EXOC6B: variants seen among roughly 807,000 people sequenced by gnomAD.
The protein encoded by EXOC6B is SEC15 homolog B.
In EXOC6B, 54 loss-of-function variants were observed where a neutral mutation model predicts 113.5. The ratio of observed to expected loss-of-function variants is 0.48; its 90% CI spans 0.38 to 0.60. The LOEUF is 0.60. Among genes scored for constraint, EXOC6B ranks in the 20% least tolerant of loss-of-function variants. The pLI is 0.00. For missense variants in EXOC6B, 797 were observed against 977.5 expected, an observed-to-expected ratio of 0.82 and a Z score of 2.46; for synonymous variants, 357 against 339.0, an observed-to-expected ratio of 1.05 and a Z score of -0.58.
intron 20 of EXOC6B, among the ~76,000 whole-genome samples, chr2:72,233,507 G>C (rs1681762014): frequency 6.6e-6 from 1 of 152,190 alleles, no homozygotes; most frequent in Middle Eastern, 3.2e-3. Context: ...ACTTGAGCAA[G>C]AATGGGAATA....
chr2:72,787,235 A>G (rs1316066215), intron 1 of EXOC6B, among the ~76,000 whole-genome samples: 52 of 151,738 alleles, frequency 3.4e-4, no homozygotes, highest in Admixed American at 3.1e-3. Context: ...TTTTCGAGAC[A>G]GAGTCTCACT....
At chr2:72,202,703 T>C (rs1679562635) in intron 20 of EXOC6B, among the ~76,000 whole-genome samples, 1 of 152,210 alleles carries the variant, frequency 6.6e-6, no homozygotes, top group African/African-American at 2.4e-5. Context: ...CAGAAGTAGA[T>C]ACTAAGGTGA....
chr2:72,702,124 A>C (rs1218714467), intron 6 of EXOC6B, among the ~76,000 whole-genome samples: 1 of 133,160 alleles, frequency 7.5e-6, no homozygotes, highest in African/African-American at 2.9e-5. Flanking sequence ...TCCTGTGTCC[A>C]TGTGATCTCA....
At chr2:72,572,987 T>C (rs1307728158) in intron 7 of EXOC6B, among the ~76,000 whole-genome samples, 1 of 152,156 alleles carries the variant, frequency 6.6e-6, no homozygotes, top group Non-Finnish European at 1.5e-5. Context: ...AATATTAACT[T>C]CCAAGTACAT....
At chr2:72,764,285 G>T in intron 1 of EXOC6B, among the ~76,000 whole-genome samples, 2 of 139,702 alleles carry the variant, frequency 1.4e-5, no homozygotes, top group Non-Finnish European at 3.1e-5. Flanking sequence ...TTATGCTTTT[G>T]TTTCTTGTAT....
chr2:72,715,507 G>A (rs1679556813), intron 6 of EXOC6B, among the ~76,000 whole-genome samples: 1 of 149,536 alleles, frequency 6.7e-6, no homozygotes, highest in African/African-American at 2.4e-5. Context: ...ATGAAAACAA[G>A]GAAAAGCCAG....
chr2:72,643,853 G>A (rs1454351584), intron 6 of EXOC6B, among the ~76,000 whole-genome samples: 2 of 150,476 alleles, frequency 1.3e-5, no homozygotes, highest in African/African-American at 4.9e-5. Context: ...AATGAGAGCA[G>A]AAAAGCTGAA....
At position 72,575,591 on chromosome 2, in the gene EXOC6B, A is replaced by T; in HGVS notation, c.747T>A (p.Asp249Glu). 6.2e-7 allele frequency: 1 copy of T among 1,610,922 alleles called. No individual in the cohort carries two copies. The highest frequency in any genetic ancestry group is 8.5e-7 in the Non-Finnish European group (1 of 1,178,774). The change falls in exon 7 of 22, where the codon GAT (aspartate) becomes GAA (glutamate). Residue 249 changes from aspartate (D) to glutamate (E), a missense_variant. Asp to Glu is a conservative substitution (Grantham distance 45). Coordinates refer to ENST00000272427, the MANE Select transcript of EXOC6B (RefSeq NM_015189.3). ...TCTCTGTATCAAAGATTATATATGCATCTTTCTTAGATTTCCTCTTGCTAC... is the reference window on the plus strand; with the variant it reads ...TCTCTGTATCAAAGATTATATATGCTTCTTTCTTAGATTTCCTCTTGCTAC... ...RIGSKRKSKK[D>E]AYIIFDTEIE... is the part of the protein sequence containing the mutation.
intron 18 of EXOC6B, among the ~76,000 whole-genome samples, chr2:72,407,465 A>G (rs1693856138): frequency 6.6e-6 from 1 of 152,250 alleles, no homozygotes; most frequent in South Asian, 2.1e-4. Context: ...AAAAATCCTC[A>G]ATAAAATACT....
intron 6 of EXOC6B, among the ~76,000 whole-genome samples, chr2:72,681,967 T>C (rs985833308): frequency 6.7e-6 from 1 of 149,992 alleles, no homozygotes; most frequent in Non-Finnish European, 1.5e-5. Flanking sequence ...GGCCTAATTT[T>C]AGTTCATAAA....
At chr2:72,640,291 T>C (rs554666944) in intron 6 of EXOC6B, among the ~76,000 whole-genome samples, 2 of 152,192 alleles carry the variant, frequency 1.3e-5, no homozygotes, top group Non-Finnish European at 2.9e-5. Context: ...ATTGGCTTTC[T>C]GAAATAAGAC....
chr2:72,781,066 G>C (rs1267074858), intron 1 of EXOC6B, among the ~76,000 whole-genome samples: 1 of 152,070 alleles, frequency 6.6e-6, no homozygotes, highest in East Asian at 1.9e-4. Flanking sequence ...CTGTCATAAA[G>C]TTCTGGCCAT....
chr2:72,494,342 G>A lies in EXOC6B; in HGVS notation c.1553+1088C>T, dbSNP rs577583308. Among the ~76,000 whole-genome samples the A allele has an allele frequency of 7.2e-5, 11 of 152,194 alleles. 1 individual carries two copies. The East Asian group carries it at 2.1e-3, about 29-fold the overall frequency. On this transcript the variant is annotated intron_variant, in intron 15 of 21. Coordinates refer to ENST00000272427, the MANE Select transcript of EXOC6B (RefSeq NM_015189.3). Reference sequence around the variant, plus strand: ...ATATTAATGAAGTGGAGGCCAGGCAGGTGGGGGATGGAAACCCAGGGTAAA... The same window carrying A: ...ATATTAATGAAGTGGAGGCCAGGCAAGTGGGGGATGGAAACCCAGGGTAAA...
At chr2:72,806,375 C>T (rs954848733) in intron 1 of EXOC6B, among the ~76,000 whole-genome samples, 4 of 152,200 alleles carry the variant, frequency 2.6e-5, no homozygotes. Flanking sequence ...ATTTTTATGG[C>T]TGTACAGTGG....
At chr2:72,220,175 G>A (rs2104422209) in intron 20 of EXOC6B, among the ~76,000 whole-genome samples, 1 of 152,314 alleles carries the variant, frequency 6.6e-6, no homozygotes, top group Non-Finnish European at 1.5e-5. Flanking sequence ...GAAATCAGGT[G>A]AATTTATCTG....
chr2:72,445,605 A>C (rs1483231425), intron 18 of EXOC6B, among the ~76,000 whole-genome samples: 1 of 152,186 alleles, frequency 6.6e-6, no homozygotes, highest in African/African-American at 2.4e-5. Context: ...TCATATGTGG[A>C]TAGTGGCAGG....
intron 8 of EXOC6B, among the ~76,000 whole-genome samples, chr2:72,545,134 A>C (rs1019504696): frequency 1.6e-4 from 25 of 152,158 alleles, no homozygotes; most frequent in African/African-American, 4.8e-4. Context: ...CCTCTTTAAA[A>C]AAATACTAGG....
intron 6 of EXOC6B, among the ~76,000 whole-genome samples, chr2:72,712,834 A>G (rs1296638880): frequency 6.6e-6 from 1 of 152,208 alleles, no homozygotes; most frequent in Non-Finnish European, 1.5e-5. Flanking sequence ...GCAATTAAAG[A>G]AAAAGAGCTT....
At chr2:72,490,028 A>G (rs1433108533) in intron 16 of EXOC6B, among the ~76,000 whole-genome samples, 4 of 152,278 alleles carry the variant, frequency 2.6e-5, no homozygotes, top group South Asian at 2.1e-4. Flanking sequence ...GGAACTTCCA[A>G]TTCCTAAGAG....
Sources: allele counts gnomAD v4.1 joint callset (sites outside exome capture counted in the v4.1 genomes callset), GRCh38; gene constraint gnomAD v4.1.1; transcripts MANE v1.5; gene names NCBI Gene and HGNC (gene_info 2026-07-23, HGNC 2026-07-21).